The following CLIP1 variants were observed in gnomAD, a reference collection of about 807,000 sequenced individuals.
CLIP1 encodes CAP-Gly domain containing linker protein 1, also known as CAP-Gly domain-containing linker protein 1.
Under a neutral mutation model 161.6 loss-of-function variants are expected in CLIP1, and 66 were observed. That is an observed-to-expected ratio of 0.41 (90% CI 0.33 to 0.50). CLIP1 has a LOEUF of 0.50. Among genes scored for constraint, CLIP1 ranks in the 20% least tolerant of loss-of-function variants. CLIP1 has a pLI of 0.27. For missense variants in CLIP1, 1,376 were observed against 1,702.0 expected (o/e 0.81, Z 3.37); for synonymous variants, 598 against 626.2 (o/e 0.96, Z 0.67).
chr12:122,364,855 C>A (rs1954049230), intron 3 of CLIP1: 10 of 703,782 alleles, frequency 1.4e-5, no homozygotes, highest in African/African-American at 3.5e-5. Flanking sequence ...AATGGAGTTG[C>A]TCCTTTGGCC....
At chr12:122,293,838 T>C (rs1566085095) in intron 20 of CLIP1, among the ~76,000 whole-genome samples, 2 of 138,380 alleles carry the variant, frequency 1.4e-5, no homozygotes, top group Non-Finnish European at 3.1e-5. Flanking sequence ...AGAGTCTTGC[T>C]CTGTTGCCCA....
At chr12:122,340,719 G>A in intron 11 of CLIP1, 34 bp downstream of exon 11, 1 of 1,471,970 alleles carries the variant, frequency 6.8e-7, no homozygotes, top group Non-Finnish European at 9.2e-7. Flanking sequence ...AATAACAAAT[G>A]GAAAAGAAAA....
chr12:122,389,848 G>C (rs1955516576), intron 1 of CLIP1, among the ~76,000 whole-genome samples: 1 of 142,304 alleles, frequency 7.0e-6, no homozygotes, highest in Admixed American at 7.3e-5. Context: ...ATCTCATGTT[G>C]AACTGTCAAC....
At chr12:122,358,019 T>C (rs1015602807) in intron 5 of CLIP1, among the ~76,000 whole-genome samples, 1 of 152,198 alleles carries the variant, frequency 6.6e-6, no homozygotes, top group African/African-American at 2.4e-5. Context: ...GGGGAAAAGA[T>C]TGAGAAATCG....
chr12:122,381,250 T>C (rs1954999495), intron 1 of CLIP1, among the ~76,000 whole-genome samples: 1 of 152,214 alleles, frequency 6.6e-6, no homozygotes, highest in African/African-American at 2.4e-5. Context: ...TAAGTTTTAC[T>C]ACAACAAGCC....
At chr12:122,389,614 C>T (rs370068843) in intron 1 of CLIP1, among the ~76,000 whole-genome samples, 1 of 151,794 alleles carries the variant, frequency 6.6e-6, no homozygotes, top group African/African-American at 2.4e-5. Flanking sequence ...CAAAAATTAG[C>T]CGGGCGTGGT....
intron 14 of CLIP1, among the ~76,000 whole-genome samples, chr12:122,333,681 G>A (rs894105243): frequency 8.5e-5 from 13 of 152,216 alleles, no homozygotes; most frequent in African/African-American, 3.1e-4. Flanking sequence ...AAGGATTGCT[G>A]TGGCTGCTGT....
At chr12:122,368,984 C>T (rs915408851) in intron 3 of CLIP1, among the ~76,000 whole-genome samples, 1 of 151,448 alleles carries the variant, frequency 6.6e-6, no homozygotes, top group African/African-American at 2.4e-5. Flanking sequence ...AACTTAATTG[C>T]CTGTGACATG....
Position 122,377,777 on chromosome 12 carries a change from A to G in CLIP1, c.269T>C (p.Ile90Thr). Residue 90 changes from isoleucine (I) to threonine (T), a missense_variant, in exon 3 of 26, where the codon ATT becomes ACT. Physicochemically the swap from Ile to Thr is moderately conservative, Grantham distance 89. Transcript: ENST00000620786. Reference protein sequence around the residue: ...TQFAPGQWAGIVLDEPIGKND... With the variant: ...TQFAPGQWAGTVLDEPIGKND... ...CTTGCCTATGGGTTCATCTAAAACA[A>G]TTCCAGCCCACTGGCCTGGTGCAAA... 6.2e-7 allele frequency: 1 copy of G among 1,613,948 alleles called. No individual in the cohort carries two copies. Among genetic ancestry groups the G allele is most frequent in the Non-Finnish European group, 8.5e-7 (1 of 1,179,994 alleles).
chr12:122,347,600 AG>A (rs1183202181), intron 9 of CLIP1, 121 bp from the exon 10 acceptor site: 1 of 705,788 alleles, frequency 1.4e-6, no homozygotes, highest in Non-Finnish European at 2.6e-6. Flanking sequence ...GGTGAACCAA[AG>A]GGGAATGGAG....
intron 1 of CLIP1, among the ~76,000 whole-genome samples, chr12:122,393,715 C>A (rs1955767769): frequency 3.3e-5 from 5 of 151,814 alleles, no homozygotes; most frequent in Admixed American, 1.3e-4. Flanking sequence ...AGTTCGAGAC[C>A]AGCCTGGACA....
At chr12:122,290,851 C>A (rs1950218655) in intron 20 of CLIP1, among the ~76,000 whole-genome samples, 1 of 149,718 alleles carries the variant, frequency 6.7e-6, no homozygotes, top group Admixed American at 6.7e-5. Context: ...AGTTTTATTT[C>A]TTTTTTCTTT....
intron 16 of CLIP1, 25 bp from the exon 17 acceptor site, chr12:122,328,187 T>G (rs763107839): frequency 1.2e-6 from 2 of 1,613,644 alleles, no homozygotes; most frequent in Non-Finnish European, 1.7e-6. Flanking sequence ...AATGAGGGAA[T>G]GAGTCATCTG....
At chr12:122,382,148 G>T (rs1056529945) in intron 1 of CLIP1, among the ~76,000 whole-genome samples, 9 of 152,076 alleles carry the variant, frequency 5.9e-5, no homozygotes, top group African/African-American at 1.9e-4. Context: ...GATCACCTGA[G>T]GTTGGGGGTT....
chr12:122,377,740 C>G lies in CLIP1; in HGVS notation c.306G>C (p.Ser102=). 1 of 1,613,814 alleles carries G rather than the reference C, an allele frequency of 6.2e-7. No homozygotes were observed. The highest frequency in any genetic ancestry group is 1.1e-5 in the South Asian group (1 of 91,070). ...LDEPIGKNDG[S]VAGVRYFQCE... is the part of the protein sequence containing the mutation. Reference sequence around the variant, plus strand: ...ACTGGAAATACCGAACTCCTGCCACCGAACCATCGTTCTTGCCTATGGGTT... The same window carrying G: ...ACTGGAAATACCGAACTCCTGCCACGGAACCATCGTTCTTGCCTATGGGTT... The change falls in exon 3 of 26, where the codon TCG becomes TCC. Residue 102 remains serine (S), a synonymous_variant. Coordinates refer to ENST00000620786, the MANE Select transcript of CLIP1 (RefSeq NM_001247997.2).
intron 5 of CLIP1, among the ~76,000 whole-genome samples, chr12:122,358,744 TAAAA>T (rs71082973): frequency 1.1e-4 from 16 of 144,162 alleles, no homozygotes; most frequent in Non-Finnish European, 1.2e-4. Flanking sequence ...TAGTTGACTT[TAAAA>T]AAAAAAAAAA....
intron 19 of CLIP1, among the ~76,000 whole-genome samples, chr12:122,313,552 C>T (rs1353518584): frequency 6.6e-6 from 1 of 151,954 alleles, no homozygotes; most frequent in African/African-American, 2.4e-5. Flanking sequence ...CATGGAGAAA[C>T]CCCGTCTCTA....
chr12:122,318,627 A>G (rs936313426), intron 18 of CLIP1, among the ~76,000 whole-genome samples: 1 of 152,234 alleles, frequency 6.6e-6, no homozygotes, highest in African/African-American at 2.4e-5. Flanking sequence ...TTGGTGCCTC[A>G]GTCGGCTTAG....
chr12:122,375,304 G>T (rs1448738531), intron 3 of CLIP1, among the ~76,000 whole-genome samples: 1 of 150,692 alleles, frequency 6.6e-6, no homozygotes, highest in Admixed American at 6.6e-5. Flanking sequence ...CATTTGAAAG[G>T]CCCTGAAATT....
Sources: gnomAD v4.1 joint callset for allele counts (sites outside exome capture counted in the v4.1 genomes callset) on GRCh38, gnomAD v4.1.1 for gene constraint, MANE v1.5 for transcripts, NCBI Gene and HGNC (gene_info 2026-07-23, HGNC 2026-07-21) for gene names.